The following GUCY1A1 variants were observed in gnomAD, a reference collection of about 807,000 sequenced individuals.
GUCY1A1 encodes the protein guanylate cyclase 1 soluble subunit alpha 1.
A neutral mutation model predicts 64.5 loss-of-function variants in GUCY1A1; 48 were observed. That is an observed-to-expected ratio of 0.74 (90% CI 0.59 to 0.95). The LOEUF is 0.95. Ranked by LOEUF, GUCY1A1 falls within the 40% of genes least tolerant of loss-of-function variation. The probability of loss-of-function intolerance (pLI) is 0.00; values close to 1 mark genes in which losing one functional copy is unlikely to be tolerated. For synonymous variants in GUCY1A1, 308 were observed against 303.4 expected (o/e 1.02, Z -0.16); for missense variants, 804 against 825.3 (o/e 0.97, Z 0.32).
At chr4:155,683,378 T>C (rs1160327919) in intron 2 of GUCY1A1, among the ~76,000 whole-genome samples, 1 of 152,238 alleles carries the variant, frequency 6.6e-6, no homozygotes, top group Non-Finnish European at 1.5e-5. Context: ...ATAAATTTAA[T>C]AATAACAATT....
intron 8 of GUCY1A1, 144 bp from the exon 9 acceptor site, chr4:155,721,894 A>AG: frequency 1.5e-6 from 1 of 674,512 alleles, no homozygotes. Flanking sequence ...TGAGGAGTAG[A>AG]GGGAAGTTGG....
At chr4:155,701,876 T>A (rs1455951084) in intron 3 of GUCY1A1, among the ~76,000 whole-genome samples, 1 of 151,826 alleles carries the variant, frequency 6.6e-6, no homozygotes, top group Non-Finnish European at 1.5e-5. Context: ...ATTGAAATAG[T>A]TTACATTGGA....
intron 8 of GUCY1A1, 66 bp from the exon 9 acceptor site, chr4:155,721,972 A>T: frequency 9.1e-7 from 1 of 1,102,352 alleles, no homozygotes; most frequent in Non-Finnish European, 1.4e-6. Flanking sequence ...CGGTATTCAA[A>T]CGACACTGAC....
Position 155,713,391 on chromosome 4 carries a change from T to C in GUCY1A1, c.1380T>C (p.Cys460=). Residue 460 remains cysteine, a synonymous_variant, in exon 7 of 10, where the codon TGT becomes TGC. Coordinates refer to ENST00000506455, the MANE Select transcript of GUCY1A1 (RefSeq NM_001130682.3). ...ACCTTCTGTGCTCCATATTTCCCTG[T>C]GAGGTTGCTCAGCAGCTGTGGCAAG... is the stretch of plus-strand genomic sequence containing the variant. The part of the protein sequence containing the change: ...TVDLLCSIFP[C]EVAQQLWQGQ... The C allele has an allele frequency of 1.2e-6, 2 of 1,613,910 alleles. No individual in the cohort carries two copies. The highest frequency in any genetic ancestry group is 1.7e-6 in the Non-Finnish European group (2 of 1,179,782).
intron 2 of GUCY1A1, among the ~76,000 whole-genome samples, chr4:155,683,582 T>C (rs1560919292): frequency 6.6e-6 from 1 of 152,176 alleles, no homozygotes; most frequent in Non-Finnish European, 1.5e-5. Flanking sequence ...AGGAAAGTTA[T>C]TTAGAAAATG....
intron 3 of GUCY1A1, among the ~76,000 whole-genome samples, chr4:155,700,445 G>A (rs1730934082): frequency 1.3e-5 from 2 of 152,242 alleles, no homozygotes; most frequent in South Asian, 2.1e-4. Flanking sequence ...AATGAAAATA[G>A]TGACTTATCC....
At chr4:155,722,427 C>G in intron 9 of GUCY1A1, 1 of 1,334,192 alleles carries the variant, frequency 7.5e-7, no homozygotes, top group Non-Finnish European at 9.6e-7. Flanking sequence ...ACAGATATTA[C>G]ATAGTCTTCC....
chr4:155,736,351 A>G lies in GUCY1A1; in HGVS notation c.*6120A>G, dbSNP rs1736054317. ...TCACTTTTATTGCTTTGAGAAATGG[A>G]TAAAAGACATAGACTATCACCCCTC... is the stretch of plus-strand genomic sequence containing the variant. On this transcript the variant is annotated 3_prime_UTR_variant, in exon 10 of 10. Coordinates refer to ENST00000506455, the MANE Select transcript of GUCY1A1 (RefSeq NM_001130682.3). 6.6e-6 allele frequency: 1 copy of G among 151,968 alleles called. No homozygotes were observed. Among genetic ancestry groups the G allele is most frequent in the South Asian group, 2.1e-4 (1 of 4,830 alleles). The allele number at this position is 151,968 out of a possible 1,614,324, so 9.4% of individuals were successfully genotyped here.
At chr4:155,706,740 G>T (rs528329286) in intron 4 of GUCY1A1, among the ~76,000 whole-genome samples, 3 of 152,116 alleles carry the variant, frequency 2.0e-5, no homozygotes. Flanking sequence ...TGTATTTTTT[G>T]AAGGTGAGGG....
At chr4:155,691,099 A>G (rs1729678538) in intron 2 of GUCY1A1, among the ~76,000 whole-genome samples, 1 of 152,252 alleles carries the variant, frequency 6.6e-6, no homozygotes, top group South Asian at 2.1e-4. Context: ...AAATTTAATA[A>G]AGAGATATCA....
intron 4 of GUCY1A1, among the ~76,000 whole-genome samples, chr4:155,707,416 T>C (rs1396610644): frequency 1.3e-5 from 2 of 152,220 alleles, no homozygotes; most frequent in Non-Finnish European, 2.9e-5. Flanking sequence ...GGCAACACAG[T>C]GCACTGTAGA....
At chr4:155,697,194 A>T in intron 3 of GUCY1A1, 72 bp downstream of exon 3, 1 of 1,099,948 alleles carries the variant, frequency 9.1e-7, no homozygotes, top group Non-Finnish European at 1.3e-6. Context: ...TCCAAGGAAA[A>T]TTTAAACACT....
intron 2 of GUCY1A1, among the ~76,000 whole-genome samples, chr4:155,693,369 C>T (rs1730004034): frequency 6.6e-6 from 1 of 152,106 alleles, no homozygotes; most frequent in African/African-American, 2.4e-5. Flanking sequence ...TTTGTTTTTC[C>T]CTTACCATGT....
At chr4:155,709,689 G>A (rs1732288761) in intron 5 of GUCY1A1, among the ~76,000 whole-genome samples, 1 of 151,954 alleles carries the variant, frequency 6.6e-6, no homozygotes, top group Admixed American at 6.6e-5. Context: ...CAAAAATTAG[G>A]CAGGCATGCT....
intron 2 of GUCY1A1, among the ~76,000 whole-genome samples, chr4:155,676,475 G>A (rs915952370): frequency 1.3e-4 from 20 of 151,410 alleles, no homozygotes; most frequent in Admixed American, 7.2e-4. Flanking sequence ...GTTTCAGCGC[G>A]TCCTGGAAAT....
chr4:155,682,402 C>T (rs2126617803), intron 2 of GUCY1A1, among the ~76,000 whole-genome samples: 1 of 152,174 alleles, frequency 6.6e-6, no homozygotes, highest in South Asian at 2.1e-4. Context: ...TTCGACTGGG[C>T]ACGGTGGCTC....
rs910027418 is a variant in GUCY1A1, at chr4:155,666,894, G to A, written c.-258G>A. ...AGCGAGCAGCCTGGAACAGACCCAG[G>A]CGGAGGACACCTGTGGGGGAGGGAG... On this transcript the variant is annotated 5_prime_UTR_variant, in exon 1 of 10. Coordinates refer to ENST00000506455, the MANE Select transcript of GUCY1A1 (RefSeq NM_001130682.3). The A allele has an allele frequency of 6.6e-6, 1 of 152,310 alleles. No individual in the cohort carries two copies. The highest frequency in any genetic ancestry group is 1.5e-5 in the Non-Finnish European group (1 of 68,152). The allele number at this position is 152,310 out of a possible 1,614,324, so 9.4% of individuals were successfully genotyped here. A position where few individuals can be genotyped will look rare whatever the true frequency, so the allele number is the denominator to read the frequency against.
chr4:155,721,213 A>G (rs1211965065), intron 8 of GUCY1A1, among the ~76,000 whole-genome samples: 1 of 151,980 alleles, frequency 6.6e-6, no homozygotes. Context: ...ACAGTGAACT[A>G]TGATGGTACC....
At chr4:155,687,839 C>T (rs1171746012) in intron 2 of GUCY1A1, among the ~76,000 whole-genome samples, 1 of 152,120 alleles carries the variant, frequency 6.6e-6, no homozygotes, top group Admixed American at 6.6e-5. Context: ...GGCATGGCAC[C>T]TACATTTATG....
Sources: allele counts gnomAD v4.1 joint callset (sites outside exome capture counted in the v4.1 genomes callset), GRCh38; gene constraint gnomAD v4.1.1; transcripts MANE v1.5; gene names NCBI Gene and HGNC (gene_info 2026-07-23, HGNC 2026-07-21).